Variants in RGS3 observed in about 807,000 individuals in gnomAD.
The protein encoded by RGS3 is regulator of G protein signaling 3.
A neutral mutation model predicts 132.6 loss-of-function variants in RGS3; 80 were observed. That is an observed-to-expected ratio of 0.60 (90% CI 0.50 to 0.73). The LOEUF (loss-of-function observed/expected upper bound fraction) is 0.73, where lower values mean the gene tolerates loss of function less well. Among genes scored for constraint, RGS3 ranks in the 30% least tolerant of loss-of-function variants. The pLI, the probability that RGS3 is intolerant of heterozygous loss-of-function variation, is 0.00. For missense variants in RGS3, 1,382 were observed against 1,530.8 expected (o/e 0.90, Z 1.62); for synonymous variants, 598 against 620.6 (o/e 0.96, Z 0.54).
intron 1 of RGS3, among the ~76,000 whole-genome samples, chr9:113,461,493 C>A (rs1247593660): frequency 6.6e-6 from 1 of 152,192 alleles, no homozygotes; most frequent in Non-Finnish European, 1.5e-5. Context: ...AAGCTTCCAG[C>A]ACGCTACTGA....
intron 16 of RGS3, among the ~76,000 whole-genome samples, chr9:113,520,952 G>A (rs1248894090): frequency 6.6e-6 from 1 of 152,032 alleles, no homozygotes; most frequent in African/African-American, 2.4e-5. Flanking sequence ...ATAGCTTTAG[G>A]TCAGCTATAC....
rs372773023 is a variant in RGS3, at chr9:113,463,677, G to A, written c.415+1476G>A. The A allele has an allele frequency of 1.5e-6, 2 of 1,374,190 alleles. No homozygotes were observed. The highest frequency in any genetic ancestry group is 1.9e-6 in the Non-Finnish European group (2 of 1,063,686). 85.1% of individuals were successfully genotyped at this position (1,374,190 alleles called of 1,614,324 possible). On this transcript the variant is annotated intron_variant, in intron 3 of 24. Coordinates refer to ENST00000350696, the Ensembl canonical transcript of RGS3. This position sits in a 1 kb window ranked among gnomAD's most constrained non-coding sequence, Gnocchi z 4.6. ...AATCAGGGCCGGGCGCGCCCTGGCC[G>A]TTCCAACGCTTGGGGCAGCCCTACC...
At position 113,505,189 on chromosome 9, in the gene RGS3, C is replaced by T. The variant is rs927417183; in HGVS notation, c.898-253C>T. 37 of 522,004 alleles carry T rather than the reference C, an allele frequency of 7.1e-5. 1 individual carries two copies. The highest frequency in any genetic ancestry group is 2.7e-4 in the African/African-American group (14 of 52,692). The allele number at this position is 522,004 out of a possible 1,614,324, so 32.3% of individuals were successfully genotyped here. A position where few individuals can be genotyped will look rare whatever the true frequency, so the allele number is the denominator to read the frequency against. On this transcript the variant is annotated intron_variant, in intron 10 of 24. Coordinates refer to ENST00000350696, the Ensembl canonical transcript of RGS3. ...AAGTTTGCTTTTCCAAGACCTTGTCCATCCCAGGCCCTCCCCACATCAGCC... is the reference window on the plus strand; with the variant it reads ...AAGTTTGCTTTTCCAAGACCTTGTCTATCCCAGGCCCTCCCCACATCAGCC...
chr9:113,465,230 G>T (rs919887514), intron 3 of RGS3, among the ~76,000 whole-genome samples: 13 of 152,152 alleles, frequency 8.5e-5, no homozygotes, highest in Non-Finnish European at 1.5e-4. Flanking sequence ...GTGTCAGGGA[G>T]CTGTGAGGCC....
chr9:113,536,431 G>T, intron 18 of RGS3: 1 of 975,482 alleles, frequency 1.0e-6, no homozygotes, highest in Non-Finnish European at 1.2e-6. Flanking sequence ...TCAGCCTGAG[G>T]CCCTGGCCCT....
intron 1 of RGS3, among the ~76,000 whole-genome samples, chr9:113,447,329 G>GTGTGTATATATATA (rs1554751009): frequency 2.2e-4 from 6 of 27,558 alleles, no homozygotes; most frequent in Non-Finnish European, 3.0e-4. Flanking sequence ...GTATGTATAT[G>GTGTGTATATATATA]TATATATATA....
At chr9:113,539,756 A>G (rs1285090302) in intron 19 of RGS3, among the ~76,000 whole-genome samples, 1 of 152,232 alleles carries the variant, frequency 6.6e-6, no homozygotes, top group Non-Finnish European at 1.5e-5. Flanking sequence ...GATTCTTTAA[A>G]TGTCTTAAGG....
chr9:113,578,157 G>C (rs1375338562), intron 19 of RGS3, among the ~76,000 whole-genome samples: 1 of 152,196 alleles, frequency 6.6e-6, no homozygotes, highest in African/African-American at 2.4e-5. Flanking sequence ...TGATGAGAGG[G>C]GCCCTGCAGC....
chr9:113,458,136 C>G (rs1050015559), upstream of RGS3, among the ~76,000 whole-genome samples: 1 of 152,212 alleles, frequency 6.6e-6, no homozygotes, highest in Non-Finnish European at 1.5e-5. Flanking sequence ...AGGCTGGTCT[C>G]AAACTCCTGA....
chr9:113,585,288 C>T (rs1835059957), intron 20 of RGS3, among the ~76,000 whole-genome samples: 1 of 152,238 alleles, frequency 6.6e-6, no homozygotes, highest in South Asian at 2.1e-4. Flanking sequence ...AGTCACTCAA[C>T]TCCTCTGAGC....
rs1171186393 is a variant in RGS3, at chr9:113,597,084, A to T, written c.*131A>T. 18 of 758,292 alleles carry T rather than the reference A, an allele frequency of 2.4e-5. 1 individual carries two copies. The East Asian group carries it at 4.7e-4, about 20-fold the overall frequency. The allele number at this position is 758,292 out of a possible 1,614,324, so 47.0% of individuals were successfully genotyped here. On this transcript the variant is annotated 3_prime_UTR_variant, in exon 25 of 25. Transcript: ENST00000350696. The stretch of plus-strand genomic sequence containing the variant: ...TGTGTCTCTGGACAGACGGATAGAC[A>T]TACGGAAGCGAGGCCTGGACCAAGA...
rs3747813 is a variant in RGS3 at position 113,565,180 on chromosome 9, C to T, written c.2038-18270C>T. ...AGCCTATGCGTGTGAGCATGTAACC[C>T]GGGAGCCAGCTGGGCCCCTCGCGGG... On this transcript the variant is annotated intron_variant, in intron 19 of 24. Coordinates refer to ENST00000350696, the Ensembl canonical transcript of RGS3. This position sits in a 1 kb window ranked among gnomAD's most constrained non-coding sequence, Gnocchi z 5.7. The T allele has an allele frequency of 0.055, 67,750 of 1,230,526 alleles. 2,112 individuals carry two copies. The highest frequency in any genetic ancestry group is 0.096 in the South Asian group (6,768 of 70,512). 76.2% of individuals were successfully genotyped at this position (1,230,526 alleles called of 1,614,324 possible). A position where few individuals can be genotyped will look rare whatever the true frequency, so the allele number is the denominator to read the frequency against.
intron 3 of RGS3, among the ~76,000 whole-genome samples, chr9:113,472,507 A>G (rs1829865990): frequency 6.6e-6 from 1 of 152,240 alleles, no homozygotes; most frequent in Admixed American, 6.5e-5. Context: ...GCTAAGTGAA[A>G]GAAGTCAATC....
At chr9:113,550,338 T>C (rs1457145789) in intron 19 of RGS3, among the ~76,000 whole-genome samples, 1 of 152,204 alleles carries the variant, frequency 6.6e-6, no homozygotes, top group African/African-American at 2.4e-5. Flanking sequence ...CATTCCAGCC[T>C]GGGCAACAGA....
Position 113,507,782 on chromosome 9 carries a change from C to T in RGS3, c.1437+144C>T. The T allele has an allele frequency of 1.6e-6, 1 of 637,962 alleles. No individual in the cohort carries two copies. The highest frequency in any genetic ancestry group is 1.8e-5 in the African/African-American group (1 of 54,874). 39.5% of individuals were successfully genotyped at this position (637,962 alleles called of 1,614,324 possible). A position where few individuals can be genotyped will look rare whatever the true frequency, so the allele number is the denominator to read the frequency against. ...GGAGATGGGGTATGTGCTAGCTCTGCCTTCTGCAAGGCTGTTCTTGGTAGG... is the reference window on the plus strand; with the variant it reads ...GGAGATGGGGTATGTGCTAGCTCTGTCTTCTGCAAGGCTGTTCTTGGTAGG... On this transcript the variant is annotated intron_variant, in intron 13 of 24. Transcript: ENST00000350696. This position sits in a 1 kb window ranked among gnomAD's most constrained non-coding sequence, Gnocchi z 5.0.
intron 7 of RGS3, among the ~76,000 whole-genome samples, chr9:113,486,976 C>G (rs553897532): frequency 1.3e-5 from 2 of 151,122 alleles, no homozygotes; most frequent in African/African-American, 4.8e-5. Flanking sequence ...ACTTTCCTAT[C>G]GGATCACCGA....
At chr9:113,455,439 G>C (rs1829344888), upstream of RGS3, among the ~76,000 whole-genome samples, 1 of 152,180 alleles carries the variant, frequency 6.6e-6, no homozygotes, top group African/African-American at 2.4e-5. Context: ...CTAACTGCGA[G>C]GGTGCTGAGT....
chr9:113,518,206 T>C (rs1831770755), intron 16 of RGS3, among the ~76,000 whole-genome samples: 1 of 152,222 alleles, frequency 6.6e-6, no homozygotes, highest in Admixed American at 6.5e-5. Flanking sequence ...CAGTTCAGTC[T>C]CTGAGCTTAA....
chr9:113,518,617 T>C (rs1009067842), intron 16 of RGS3, among the ~76,000 whole-genome samples: 1 of 152,162 alleles, frequency 6.6e-6, no homozygotes, highest in Non-Finnish European at 1.5e-5. Flanking sequence ...AACTCATCTA[T>C]TCCAAATGTA....
Sources: gnomAD v4.1 joint callset for allele counts (sites outside exome capture counted in the v4.1 genomes callset) on GRCh38, gnomAD v4.1.1 for gene constraint, Gnocchi (gnomAD v3.1) non-coding constraint, MANE v1.5 for transcripts, NCBI Gene and HGNC (gene_info 2026-07-23, HGNC 2026-07-21) for gene names.